Variants in MEIS1 observed in about 807,000 individuals in gnomAD.
MEIS1 encodes Meis homeobox 1, also known as homeobox protein Meis1.
Under a neutral mutation model 50.8 loss-of-function variants are expected in MEIS1, and 5 were observed. The ratio of observed to expected loss-of-function variants is 0.10; its 90% CI spans 0.05 to 0.21. The LOEUF (loss-of-function observed/expected upper bound fraction) is 0.21, where lower values mean the gene tolerates loss of function less well. MEIS1 is among the 10% of genes least tolerant of loss of function. MEIS1 has a pLI of 1.00. For missense variants in MEIS1, 318 were observed against 517.3 expected, an observed-to-expected ratio of 0.61 and a Z score of 3.74; for synonymous variants, 176 against 179.3, an observed-to-expected ratio of 0.98 and a Z score of 0.15.
chr2:66,549,548 A>T (rs988869775), intron 9 of MEIS1, among the ~76,000 whole-genome samples: 1 of 152,064 alleles, frequency 6.6e-6, no homozygotes, highest in Non-Finnish European at 1.5e-5. Flanking sequence ...AATATCCTGG[A>T]TGATATTATA....
At chr2:66,567,776 C>G in intron 10 of MEIS1, 1 of 583,258 alleles carries the variant, frequency 1.7e-6, no homozygotes, top group East Asian at 2.8e-5. Flanking sequence ...TGTACACATT[C>G]AATATATTAA....
chr2:66,473,876 C>A (rs1334021395), intron 7 of MEIS1, among the ~76,000 whole-genome samples: 1 of 152,108 alleles, frequency 6.6e-6, no homozygotes, highest in African/African-American at 2.4e-5. Flanking sequence ...ACCCCGCAGA[C>A]AACAAAATCT....
chr2:66,436,135 GT>G (rs201718076), intron 1 of MEIS1, among the ~76,000 whole-genome samples: 17 of 151,294 alleles, frequency 1.1e-4, no homozygotes, highest in African/African-American at 4.1e-4. Flanking sequence ...AATCATCTGG[GT>G]TTTTTTTTAA....
At chr2:66,498,846 G>A (rs988323851) in intron 7 of MEIS1, among the ~76,000 whole-genome samples, 2 of 152,178 alleles carry the variant, frequency 1.3e-5, no homozygotes, top group Non-Finnish European at 2.9e-5. Context: ...CTGGGAGCTT[G>A]TTAGGAATGC....
chr2:66,524,551 C>A (rs1484614127), intron 8 of MEIS1, among the ~76,000 whole-genome samples: 1 of 150,254 alleles, frequency 6.7e-6, no homozygotes, highest in Non-Finnish European at 1.5e-5. Flanking sequence ...AGAGTGGGAC[C>A]CTGTCTCAAA....
Position 66,548,025 on chromosome 2 carries a change from T to C in MEIS1, c.965+6T>C. On this transcript the variant is annotated splice_donor_region_variant and intron_variant, in intron 9 of 12. Transcript: ENST00000272369. ...ATCCTTCAAGTGAACAATTGGTAAG[T>C]AATTTGGCTTTGTGTTTACACACAA... is the stretch of plus-strand genomic sequence containing the variant. 3 of 1,612,276 alleles carry C rather than the reference T, an allele frequency of 1.9e-6. No individual in the cohort carries two copies. Among genetic ancestry groups the C allele is most frequent in the Non-Finnish European group, 2.5e-6 (3 of 1,178,944 alleles).
intron 9 of MEIS1, among the ~76,000 whole-genome samples, chr2:66,552,934 C>T (rs961200955): frequency 1.3e-5 from 2 of 152,068 alleles, no homozygotes; most frequent in Admixed American, 1.3e-4. Flanking sequence ...TTTCTTCCAA[C>T]ATAATTTAAT....
At chr2:66,566,595 G>A (rs1675352556) in intron 9 of MEIS1, among the ~76,000 whole-genome samples, 1 of 26,692 alleles carries the variant, frequency 3.7e-5, no homozygotes, top group South Asian at 7.3e-4. Context: ...TCTGGAGAGC[G>A]TATATTAATA....
chr2:66,450,291 C>CT (rs1359522421), intron 6 of MEIS1, among the ~76,000 whole-genome samples: 1 of 152,030 alleles, frequency 6.6e-6, no homozygotes, highest in African/African-American at 2.4e-5. Flanking sequence ...AGTAAACAAC[C>CT]TTGAGTGTGT....
At chr2:66,465,510 T>C (rs910208745) in intron 7 of MEIS1, among the ~76,000 whole-genome samples, 2 of 152,176 alleles carry the variant, frequency 1.3e-5, no homozygotes, top group African/African-American at 4.8e-5. Context: ...GTTAAGGTGG[T>C]GTCAGCACTT....
At chr2:66,493,750 C>T (rs1009669809) in intron 7 of MEIS1, among the ~76,000 whole-genome samples, 32 of 152,132 alleles carry the variant, frequency 2.1e-4, no homozygotes, top group African/African-American at 7.5e-4. Context: ...AAGTAAACCA[C>T]ACAGCCCACT....
intron 8 of MEIS1, among the ~76,000 whole-genome samples, chr2:66,513,545 G>C (rs991467926): frequency 4.0e-5 from 6 of 151,202 alleles, no homozygotes; most frequent in African/African-American, 1.2e-4. Flanking sequence ...AATTAATCCA[G>C]ATTTTCCAGC....
chr2:66,442,765 G>C (rs1291960409), intron 5 of MEIS1, 137 bp from the exon 6 acceptor site: 4 of 743,570 alleles, frequency 5.4e-6, no homozygotes, highest in Admixed American at 3.0e-5. Flanking sequence ...ATGCGTCTGG[G>C]GGTCTCTGGA....
intron 9 of MEIS1, among the ~76,000 whole-genome samples, chr2:66,558,279 CAAAAAAAAA>C (rs59017279): frequency 1.8e-5 from 1 of 57,088 alleles, no homozygotes; most frequent in African/African-American, 8.1e-5. Context: ...AACTCCATCT[CAAAAAAAAA>C]AAAAAAAAAA....
Position 66,486,437 on chromosome 2 carries a change from G to T in MEIS1, c.742+22217G>T, listed in dbSNP as rs1224648342. Among the ~76,000 whole-genome samples the T allele has an allele frequency of 2.0e-5, 3 of 152,110 alleles. No homozygotes were observed. In the East Asian group the frequency reaches 5.8e-4, roughly 29 times the overall value. On this transcript the variant is annotated intron_variant, in intron 7 of 12. Coordinates refer to ENST00000272369, the MANE Select transcript of MEIS1 (RefSeq NM_002398.3). ...GTGTGGTGTTATTTCTGAGGCCTCT[G>T]TTCTGTTCCATTGGTCTATATATCT...
intron 10 of MEIS1, 145 bp from the exon 11 acceptor site, chr2:66,568,522 A>AGT: frequency 2.1e-6 from 1 of 474,808 alleles, no homozygotes; most frequent in Non-Finnish European, 3.7e-6. Context: ...GTCTGAGAGA[A>AGT]ATTTCACTTT....
Position 66,437,892 on chromosome 2 carries a change from C to A in MEIS1, c.168C>A (p.Thr56=). 3.1e-6 allele frequency: 5 copies of A among 1,610,522 alleles called. No individual in the cohort carries two copies. The highest frequency in any genetic ancestry group is 4.2e-6 in the Non-Finnish European group (5 of 1,178,288). The part of the protein sequence containing the change: ...HSHQYPHTAH[T]NAMAPSMGSS... ...ATCAGTACCCGCACACAGCTCATAC[C>A]AACGCCATGGCCCCCAGCATGGGCT... The change falls in exon 2 of 13, where the codon ACC becomes ACA. Residue 56 remains threonine (T), a synonymous_variant. Coordinates refer to ENST00000272369, the MANE Select transcript of MEIS1 (RefSeq NM_002398.3).
At chr2:66,472,571 T>C (rs980622152) in intron 7 of MEIS1, among the ~76,000 whole-genome samples, 1 of 152,168 alleles carries the variant, frequency 6.6e-6, no homozygotes, top group African/African-American at 2.4e-5. Flanking sequence ...TGCTAAATAT[T>C]GGATATTCTT....
intron 7 of MEIS1, among the ~76,000 whole-genome samples, chr2:66,497,163 A>G (rs1409922436): frequency 4.8e-4 from 73 of 152,208 alleles, no homozygotes; most frequent in Non-Finnish European, 1.5e-4. Flanking sequence ...TAGAGGTTAA[A>G]GAAATGCACC....
Sources: gnomAD v4.1 joint callset for allele counts (sites outside exome capture counted in the v4.1 genomes callset) on GRCh38, gnomAD v4.1.1 for gene constraint, MANE v1.5 for transcripts, NCBI Gene and HGNC (gene_info 2026-07-23, HGNC 2026-07-21) for gene names.